SPATS2: variants seen among roughly 807,000 people sequenced by gnomAD.
SPATS2 encodes spermatogenesis associated serine rich 2.
A neutral mutation model predicts 63.7 loss-of-function variants in SPATS2; 38 were observed. That is an observed-to-expected ratio of 0.60 (90% CI 0.46 to 0.78). The LOEUF is 0.78. Ranked by LOEUF, SPATS2 falls within the 30% of genes least tolerant of loss-of-function variation. SPATS2 has a pLI of 0.00. For missense variants in SPATS2, 588 were observed against 666.2 expected (o/e 0.88, Z 1.29); for synonymous variants, 207 against 232.9 (o/e 0.89, Z 1.01).
intron 2 of SPATS2, among the ~76,000 whole-genome samples, chr12:49,459,553 G>A (rs1269821988): frequency 2.0e-5 from 3 of 151,640 alleles, no homozygotes; most frequent in Non-Finnish European, 2.9e-5. Flanking sequence ...TCTCCATGTT[G>A]GTCCGGCTGG....
intron 11 of SPATS2, 63 bp downstream of exon 11, chr12:49,519,245 C>T: frequency 7.5e-7 from 1 of 1,342,004 alleles, no homozygotes; most frequent in Non-Finnish European, 1.0e-6. Context: ...AAGAAATTTT[C>T]ATAATTCATG....
At chr12:49,485,988 A>G (rs1463878133) in intron 4 of SPATS2, among the ~76,000 whole-genome samples, 1 of 151,026 alleles carries the variant, frequency 6.6e-6, no homozygotes, top group Non-Finnish European at 1.5e-5. Context: ...CAAACTCCTG[A>G]CCTCAGGCGA....
intron 2 of SPATS2, among the ~76,000 whole-genome samples, chr12:49,377,215 A>G (rs1017919762): frequency 3.9e-5 from 6 of 152,178 alleles, no homozygotes; most frequent in Non-Finnish European, 7.4e-5. Flanking sequence ...TAGGAATTTT[A>G]AAAGTTGATA....
intron 2 of SPATS2, among the ~76,000 whole-genome samples, chr12:49,375,426 G>T (rs1414879274): frequency 6.6e-6 from 1 of 152,102 alleles, no homozygotes; most frequent in East Asian, 1.9e-4. Context: ...TTGTTTTAAG[G>T]CTACCCTCTG....
intron 3 of SPATS2, among the ~76,000 whole-genome samples, chr12:49,479,228 C>T (rs1312199841): frequency 1.3e-5 from 2 of 152,200 alleles, no homozygotes; most frequent in South Asian, 4.1e-4. Flanking sequence ...AGTCACTACC[C>T]GAGTATGCTG....
At chr12:49,472,089 G>T (rs979213788) in intron 3 of SPATS2, among the ~76,000 whole-genome samples, 6 of 152,052 alleles carry the variant, frequency 3.9e-5, no homozygotes, top group African/African-American at 1.4e-4. Context: ...AGTGAGCCAA[G>T]GTTGCGCCAG....
intron 2 of SPATS2, among the ~76,000 whole-genome samples, chr12:49,372,968 G>A (rs1163914018): frequency 8.0e-6 from 1 of 124,472 alleles, no homozygotes; most frequent in African/African-American, 3.3e-5. Context: ...GTGTGTGTGT[G>A]TGTGTGTGTG....
chr12:49,496,040 T>C (rs1946458223), intron 7 of SPATS2, among the ~76,000 whole-genome samples: 1 of 152,214 alleles, frequency 6.6e-6, no homozygotes, highest in Admixed American at 6.5e-5. Flanking sequence ...TCCCCTGCCC[T>C]GCTGCTCCTG....
At chr12:49,459,623 C>G (rs1391694607) in intron 2 of SPATS2, among the ~76,000 whole-genome samples, 1 of 149,550 alleles carries the variant, frequency 6.7e-6, no homozygotes, top group African/African-American at 2.5e-5. Flanking sequence ...GCTGGGATTA[C>G]AGGCGTGAGC....
chr12:49,436,783 GCTC>G (rs1300088608), intron 2 of SPATS2, among the ~76,000 whole-genome samples: 1 of 140,276 alleles, frequency 7.1e-6, no homozygotes. Context: ...GGGCAGAGGG[GCTC>G]CTCACTTCCC....
intron 3 of SPATS2, among the ~76,000 whole-genome samples, chr12:49,473,026 G>T (rs1204152741): frequency 4.7e-5 from 7 of 149,176 alleles, no homozygotes; most frequent in Non-Finnish European, 8.9e-5. Context: ...CGCAGCCTGG[G>T]CAATAGAGTG....
At chr12:49,500,029 A>C (rs745910876) in intron 8 of SPATS2, 41 bp from the exon 9 acceptor site, 16 of 1,267,454 alleles carry the variant, frequency 1.3e-5, no homozygotes, top group Middle Eastern at 5.0e-4. Flanking sequence ...CTATATAATT[A>C]TTCTTTTTTT....
At chr12:49,459,437 C>T (rs1239648766) in intron 2 of SPATS2, among the ~76,000 whole-genome samples, 1 of 152,062 alleles carries the variant, frequency 6.6e-6, no homozygotes, top group African/African-American at 2.4e-5. Flanking sequence ...CAACCTCCGC[C>T]TCCTGGATTC....
chr12:49,438,677 A>G, intron 2 of SPATS2, among the ~76,000 whole-genome samples: 1 of 152,300 alleles, frequency 6.6e-6, no homozygotes, highest in Non-Finnish European at 1.5e-5. Context: ...AATAATGTTA[A>G]GTCTCTCCTC....
chr12:49,461,083 G>T, intron 3 of SPATS2, 46 bp downstream of exon 3: 1 of 1,592,510 alleles, frequency 6.3e-7, no homozygotes, highest in South Asian at 1.1e-5. Flanking sequence ...TAGTTATAAT[G>T]ATCCCCATTT....
intron 2 of SPATS2, among the ~76,000 whole-genome samples, chr12:49,414,754 A>G (rs904356485): frequency 2.6e-5 from 4 of 151,810 alleles, no homozygotes; most frequent in Non-Finnish European, 4.4e-5. Flanking sequence ...AGGCAGGCAC[A>G]TGCCTGGCTA....
intron 2 of SPATS2, among the ~76,000 whole-genome samples, chr12:49,450,319 G>A (rs1945596940): frequency 6.6e-6 from 1 of 151,604 alleles, no homozygotes; most frequent in African/African-American, 2.4e-5. Context: ...GCACCATATC[G>A]GCTCACTGCA....
chr12:49,511,170 C>T (rs1462287662), intron 9 of SPATS2, among the ~76,000 whole-genome samples: 1 of 150,030 alleles, frequency 6.7e-6, no homozygotes, highest in African/African-American at 2.5e-5. Context: ...TATTGTACTC[C>T]AGAGCGAGAC....
intron 2 of SPATS2, chr12:49,389,565 A>T: frequency 9.8e-7 from 1 of 1,018,978 alleles, no homozygotes; most frequent in Non-Finnish European, 1.6e-6. Flanking sequence ...ACTCTTGTTG[A>T]AAGATTAAGA....
Sources: allele counts gnomAD v4.1 joint callset (sites outside exome capture counted in the v4.1 genomes callset), GRCh38; gene constraint gnomAD v4.1.1; transcripts MANE v1.5; gene names NCBI Gene and HGNC (gene_info 2026-07-23, HGNC 2026-07-21).